STRN3: variants seen among roughly 807,000 people sequenced by gnomAD.
The protein encoded by STRN3 is striatin 3.
Under a neutral mutation model 95.6 loss-of-function variants are expected in STRN3, and 29 were observed. The observed-to-expected ratio is 0.30, with a 90% CI of 0.23 to 0.41. The LOEUF is 0.41. STRN3 is among the 10% of genes least tolerant of loss of function. The pLI, the probability that STRN3 is intolerant of heterozygous loss-of-function variation, is 1.00. For missense variants in STRN3, 890 were observed against 972.1 expected (o/e 0.92, Z 1.12); for synonymous variants, 331 against 357.6 (o/e 0.93, Z 0.84).
chr14:31,014,714 AGGTACT>A (rs1436307961), intron 1 of STRN3: 1 of 454,776 alleles, frequency 2.2e-6, no homozygotes, highest in Non-Finnish European at 4.5e-6. Flanking sequence ...ACTGAACACA[AGGTACT>A]GGTACTACCT....
At chr14:31,016,698 G>C (rs1232771366) in intron 1 of STRN3, among the ~76,000 whole-genome samples, 1 of 152,006 alleles carries the variant, frequency 6.6e-6, no homozygotes, top group African/African-American at 2.4e-5. Context: ...GCACGTGCCA[G>C]CACACCTGGC....
At chr14:30,916,189 T>G (rs982658199) in intron 9 of STRN3, among the ~76,000 whole-genome samples, 9 of 152,150 alleles carry the variant, frequency 5.9e-5, no homozygotes, top group Non-Finnish European at 5.9e-5. Context: ...TCTATCCTAT[T>G]CATTTTATTA....
intron 5 of STRN3, among the ~76,000 whole-genome samples, chr14:30,940,030 T>G (rs1401876557): frequency 6.7e-6 from 1 of 149,020 alleles, no homozygotes; most frequent in Non-Finnish European, 1.5e-5. Flanking sequence ...GCCTAGTGTG[T>G]TTTTTTTTTA....
chr14:30,998,241 A>C (rs1465778268), intron 1 of STRN3, among the ~76,000 whole-genome samples: 1 of 152,228 alleles, frequency 6.6e-6, no homozygotes, highest in Non-Finnish European at 1.5e-5. Flanking sequence ...CAGCATAAAC[A>C]GGTGTCTCCA....
chr14:30,903,053 C>CA (rs555703298), intron 15 of STRN3, among the ~76,000 whole-genome samples: 16 of 151,556 alleles, frequency 1.1e-4, no homozygotes, highest in Admixed American at 3.3e-4. Context: ...CTGACAAAAA[C>CA]AAAAAAACAA....
At chr14:30,935,002 A>T (rs2139071821) in intron 7 of STRN3, among the ~76,000 whole-genome samples, 161 bp downstream of exon 7, 1 of 152,286 alleles carries the variant, frequency 6.6e-6, no homozygotes. Flanking sequence ...AATTTAAGTA[A>T]ATTGGTACAA....
chr14:30,956,121 A>T lies in STRN3; in HGVS notation c.386+18T>A. On this transcript the variant is annotated intron_variant, in intron 2 of 17. Coordinates refer to ENST00000357479, the MANE Select transcript of STRN3 (RefSeq NM_001083893.2). ...TATTGTTCTACTTTATTCATGTAAC[A>T]AAATGAGGCACACATACCTTTCTTG... 6.2e-7 allele frequency: 1 copy of T among 1,600,600 alleles called. No individual in the cohort carries two copies. The highest frequency in any genetic ancestry group is 2.2e-5 in the East Asian group (1 of 44,810).
intron 1 of STRN3, among the ~76,000 whole-genome samples, chr14:31,011,413 G>A (rs770099730): frequency 6.6e-5 from 10 of 152,142 alleles, no homozygotes; most frequent in Non-Finnish European, 1.2e-4. Flanking sequence ...AGGCCGAGGC[G>A]GGTGGATCAC....
chr14:30,933,325 A>G (rs943397266), intron 7 of STRN3, among the ~76,000 whole-genome samples: 1 of 147,572 alleles, frequency 6.8e-6, no homozygotes, highest in Non-Finnish European at 1.5e-5. Context: ...AGAACCATGT[A>G]TTAAGTGAAA....
intron 1 of STRN3, among the ~76,000 whole-genome samples, chr14:30,960,242 T>C (rs1285341841): frequency 6.6e-6 from 1 of 152,062 alleles, no homozygotes; most frequent in Non-Finnish European, 1.5e-5. Context: ...TAGTCCCATC[T>C]ATGTGGGAGT....
intron 1 of STRN3, among the ~76,000 whole-genome samples, chr14:30,963,889 C>T (rs1270453931): frequency 6.6e-6 from 1 of 151,864 alleles, no homozygotes; most frequent in Non-Finnish European, 1.5e-5. Context: ...CAGGACATAC[C>T]AAAACTTAGA....
At chr14:30,995,841 G>C (rs1452087888) in intron 1 of STRN3, among the ~76,000 whole-genome samples, 3 of 152,160 alleles carry the variant, frequency 2.0e-5, no homozygotes, top group East Asian at 3.8e-4. Context: ...CCCCTTTCAG[G>C]AATGAAGGAT....
intron 1 of STRN3, chr14:31,025,631 A>C (rs891060386): frequency 3.9e-6 from 2 of 510,576 alleles, no homozygotes; most frequent in African/African-American, 4.0e-5. Context: ...CCTCCGGAGG[A>C]GCCCCCGCAG....
intron 1 of STRN3, among the ~76,000 whole-genome samples, chr14:30,969,743 G>C (rs933025097): frequency 2.6e-5 from 4 of 152,140 alleles, no homozygotes; most frequent in Non-Finnish European, 4.4e-5. Context: ...CAATTTCTTA[G>C]AAATTATATA....
At chr14:30,943,946 G>A (rs1879216088) in intron 5 of STRN3, among the ~76,000 whole-genome samples, 1 of 152,018 alleles carries the variant, frequency 6.6e-6, no homozygotes, top group Admixed American at 6.6e-5. Flanking sequence ...AAGTTCCAGA[G>A]AGTTGGAACT....
chr14:30,914,423 G>A (rs1413558276), intron 9 of STRN3, among the ~76,000 whole-genome samples: 1 of 152,022 alleles, frequency 6.6e-6, no homozygotes, highest in Non-Finnish European at 1.5e-5. Context: ...TGCGATCTCG[G>A]TTCACTGCAA....
chr14:31,025,826 T>C, intron 1 of STRN3, 78 bp downstream of exon 1: 1 of 1,534,128 alleles, frequency 6.5e-7, no homozygotes, highest in Admixed American at 2.0e-5. Flanking sequence ...CGGCTCCGGC[T>C]GAGTGGAGTC....
At position 30,984,265 on chromosome 14, in the gene STRN3, C is replaced by CT. The variant is rs1160503510; in HGVS notation, c.283-28024dup. ...CAAAGAAAGAAAAGGATGAGGAATT[C>CT]TAAAAAAAAAAAAAAAAAAAAAAAA... On this transcript the variant is annotated intron_variant, in intron 1 of 17. Coordinates refer to ENST00000357479, the MANE Select transcript of STRN3 (RefSeq NM_001083893.2). 8.0e-4 allele frequency among the ~76,000 whole-genome samples: 11 copies of CT among 13,666 alleles called. No individual in the cohort carries two copies. The Admixed American group carries it at 0.01, about 13-fold the overall frequency. The allele number at this position is 13,666 out of a possible 152,430, so 9.0% of individuals were successfully genotyped here.
intron 1 of STRN3, among the ~76,000 whole-genome samples, chr14:30,978,906 C>T (rs966443619): frequency 4.0e-5 from 6 of 151,766 alleles, no homozygotes; most frequent in African/African-American, 4.8e-5. Flanking sequence ...TGGTGGCACA[C>T]GCCTGTAGTC....
Sources: allele counts gnomAD v4.1 joint callset (sites outside exome capture counted in the v4.1 genomes callset), GRCh38; gene constraint gnomAD v4.1.1; transcripts MANE v1.5; gene names NCBI Gene and HGNC (gene_info 2026-07-23, HGNC 2026-07-21).